The following NAV2 variants were observed in gnomAD, a reference collection of about 807,000 sequenced individuals.
The protein encoded by NAV2 is neuron navigator 2.
In NAV2, 54 loss-of-function variants were observed where a neutral mutation model predicts 223.2. That is an observed-to-expected ratio of 0.24 (90% CI 0.19 to 0.30). The LOEUF (loss-of-function observed/expected upper bound fraction) is 0.30, where lower values mean the gene tolerates loss of function less well. Among genes scored for constraint, NAV2 ranks in the 10% least tolerant of loss-of-function variants. The pLI, the probability that NAV2 is intolerant of heterozygous loss-of-function variation, is 1.00. For synonymous variants in NAV2, 1,279 were observed against 1,239.3 expected, an observed-to-expected ratio of 1.03 and a Z score of -0.67; for missense variants, 2,806 against 3,147.5, an observed-to-expected ratio of 0.89 and a Z score of 2.60.
intron 12 of NAV2, among the ~76,000 whole-genome samples, chr11:20,040,666 A>T (rs2056832614): frequency 6.6e-6 from 1 of 152,176 alleles, no homozygotes; most frequent in Admixed American, 6.5e-5. Context: ...TCCCATGTGG[A>T]TATCGAATGA....
intron 4 of NAV2, among the ~76,000 whole-genome samples, chr11:19,870,477 T>C (rs1482787875): frequency 6.6e-6 from 1 of 152,128 alleles, no homozygotes; most frequent in Non-Finnish European, 1.5e-5. Flanking sequence ...GCAGGGCCTC[T>C]TGGGTATGCA....
chr11:19,695,141 A>T (rs1424504070), intron 1 of NAV2, among the ~76,000 whole-genome samples: 1 of 151,792 alleles, frequency 6.6e-6, no homozygotes. Flanking sequence ...CTCTTTGCTC[A>T]CTCCCCTGGC....
chr11:19,788,150 T>C (rs934839458), intron 1 of NAV2, among the ~76,000 whole-genome samples: 6 of 152,226 alleles, frequency 3.9e-5, no homozygotes, highest in Admixed American at 6.5e-5. Flanking sequence ...CTTTTGACAG[T>C]TGGGGCCAGA....
At chr11:19,642,697 A>T (rs1185123600) in intron 1 of NAV2, among the ~76,000 whole-genome samples, 1 of 152,104 alleles carries the variant, frequency 6.6e-6, no homozygotes, top group East Asian at 1.9e-4. Context: ...TTCTCGAAAT[A>T]GTTTAGCTCA....
At chr11:19,396,471 T>C (rs1028298216) in intron 1 of NAV2, among the ~76,000 whole-genome samples, 4 of 152,192 alleles carry the variant, frequency 2.6e-5, no homozygotes, top group Non-Finnish European at 5.9e-5. Flanking sequence ...TACCACATTA[T>C]TTAGAACGCC....
chr11:19,816,163 G>A (rs746465713), intron 1 of NAV2, among the ~76,000 whole-genome samples: 92 of 152,190 alleles, frequency 6.0e-4, no homozygotes, highest in Non-Finnish European at 1.2e-3. Flanking sequence ...AGGGCCCGGG[G>A]CACAACGGTC....
At chr11:19,733,835 T>TAATG (rs939690059) in intron 1 of NAV2, among the ~76,000 whole-genome samples, 1 of 152,200 alleles carries the variant, frequency 6.6e-6, no homozygotes, top group African/African-American at 2.4e-5. Flanking sequence ...CTGATGATGG[T>TAATG]AATGGGAGGC....
chr11:19,998,710 C>G lies in NAV2; in HGVS notation c.2768+14463C>G, dbSNP rs906506195. ...CCTCTGCATAGACTGTGCTTCCCCC[C>G]CTCTCTCCTTTTCTCCTTATAAGCC... On this transcript the variant is annotated intron_variant, in intron 11 of 37. Transcript: ENST00000349880. The surrounding 1 kb of genome is among the most constrained non-coding windows in gnomAD (Gnocchi z 5.0). 5.3e-5 allele frequency among the ~76,000 whole-genome samples: 8 copies of G among 152,220 alleles called. No individual in the cohort carries two copies. The highest frequency in any genetic ancestry group is 2.1e-4 in the South Asian group (1 of 4,806).
At chr11:19,508,242 C>T (rs942658540) in intron 1 of NAV2, among the ~76,000 whole-genome samples, 3 of 152,062 alleles carry the variant, frequency 2.0e-5, no homozygotes, top group Non-Finnish European at 2.9e-5. Context: ...GCAACTCCTA[C>T]CCTGACCTGA....
rs1030777039 is a variant in NAV2 at position 19,937,359 on chromosome 11, C to T, written c.2034-2302C>T. Among the ~76,000 whole-genome samples, 5 of 151,446 alleles carry T rather than the reference C, an allele frequency of 3.3e-5. 1 individual carries two copies. The highest frequency in any genetic ancestry group is 6.3e-3 in the Middle Eastern group (2 of 316). On this transcript the variant is annotated intron_variant, in intron 7 of 37. Coordinates refer to ENST00000349880, the MANE Select transcript of NAV2 (RefSeq NM_145117.5). ...ATATAACTTATAATTGCTCCCCCCCCGCCCACCAAAACCTCTCCATGTTAA... is the reference window on the plus strand; with the variant it reads ...ATATAACTTATAATTGCTCCCCCCCTGCCCACCAAAACCTCTCCATGTTAA...
intron 1 of NAV2, among the ~76,000 whole-genome samples, chr11:19,790,288 A>G (rs1036943280): frequency 6.6e-6 from 1 of 152,246 alleles, no homozygotes; most frequent in Non-Finnish European, 1.5e-5. Context: ...TTTTCAAGAC[A>G]GAGTTCTAGT....
chr11:19,910,828 A>C (rs2043246241), intron 6 of NAV2, among the ~76,000 whole-genome samples: 1 of 152,208 alleles, frequency 6.6e-6, no homozygotes, highest in Non-Finnish European at 1.5e-5. Context: ...ACTGCACTCC[A>C]GCCTGGGTGA....
At chr11:19,568,993 C>T (rs1482823883) in intron 1 of NAV2, among the ~76,000 whole-genome samples, 1 of 152,302 alleles carries the variant, frequency 6.6e-6, no homozygotes, top group African/African-American at 2.4e-5. Context: ...GTGCTGAGCA[C>T]AGAATGCTTG....
chr11:19,491,950 A>G (rs2042640336), intron 1 of NAV2, among the ~76,000 whole-genome samples: 1 of 94,452 alleles, frequency 1.1e-5, no homozygotes, highest in Non-Finnish European at 2.4e-5. Context: ...GAATAGGGAG[A>G]CTCAAAGAGA....
intron 1 of NAV2, among the ~76,000 whole-genome samples, chr11:19,533,423 A>G (rs2044087078): frequency 6.6e-6 from 1 of 152,078 alleles, no homozygotes; most frequent in African/African-American, 2.4e-5. Flanking sequence ...CAAGGCTGAC[A>G]AACATTGGTG....
chr11:19,946,740 C>A (rs976158395), intron 9 of NAV2, among the ~76,000 whole-genome samples: 2 of 152,180 alleles, frequency 1.3e-5, no homozygotes, highest in Admixed American at 6.5e-5. Context: ...ATCCATTCAA[C>A]AAAGGATACT....
At position 20,045,154 on chromosome 11, in the gene NAV2, C is replaced by G. The variant is rs148989926; in HGVS notation, c.3386C>G (p.Ala1129Gly). The G allele has an allele frequency of 1.2e-6, 2 of 1,614,000 alleles. No homozygotes were observed. The highest frequency in any genetic ancestry group is 2.7e-5 in the African/African-American group (2 of 74,926). ...SFGFKKQSGSAAGLAMITASG... is the reference protein window; with the variant it reads ...SFGFKKQSGSGAGLAMITASG... Reference sequence around the variant, plus strand: ...GGGTTCAAGAAGCAGAGTGGTTCCGCCGCCGGCCTGGCCATGATCACAGCC... The same window carrying G: ...GGGTTCAAGAAGCAGAGTGGTTCCGGCGCCGGCCTGGCCATGATCACAGCC... Residue 1129 changes from alanine (A) to glycine (G), a missense_variant, in exon 14 of 38, where the codon GCC (alanine) becomes GGC (glycine). Ala to Gly is a moderately conservative substitution (Grantham distance 60). This residue lies in a region of NAV2 where 742 missense variants were observed against 777.9 expected (regional missense o/e 0.95). Coordinates refer to ENST00000349880, the MANE Select transcript of NAV2 (RefSeq NM_145117.5).
At chr11:19,646,649 A>C (rs567223558) in intron 1 of NAV2, among the ~76,000 whole-genome samples, 1 of 152,210 alleles carries the variant, frequency 6.6e-6, no homozygotes, top group South Asian at 2.1e-4. Context: ...TTTGAGGGTG[A>C]GGGTGCTGGC....
chr11:20,071,806 T>G lies in NAV2; in HGVS notation c.4983+3408T>G, dbSNP rs141630676. On this transcript the variant is annotated intron_variant, in intron 22 of 37. Transcript: ENST00000349880. Reference sequence around the variant, plus strand: ...GGGTGTTTTTTTCTTGTAAATTTGTTTAAGTTCTTTATAAATTTGTTTAAG... The same window carrying G: ...GGGTGTTTTTTTCTTGTAAATTTGTGTAAGTTCTTTATAAATTTGTTTAAG... Among the ~76,000 whole-genome samples, 1,004 of 152,332 alleles carry G rather than the reference T, an allele frequency of 6.6e-3. 8 individuals are homozygous for G. The highest frequency in any genetic ancestry group is 0.023 in the African/African-American group (964 of 41,574).
Sources: gnomAD v4.1 joint callset for allele counts (sites outside exome capture counted in the v4.1 genomes callset) on GRCh38, gnomAD v4.1.1 for gene constraint, gnomAD v4.1.1 regional missense constraint, Gnocchi (gnomAD v3.1) non-coding constraint, MANE v1.5 for transcripts, NCBI Gene and HGNC (gene_info 2026-07-23, HGNC 2026-07-21) for gene names.